Variants in SLF1 observed in about 807,000 individuals in gnomAD.
SLF1 encodes SMC5/6 complex localization factor 1.
A neutral mutation model predicts 123.0 loss-of-function variants in SLF1; 105 were observed. The observed-to-expected ratio is 0.85, with a 90% CI of 0.73 to 1.00. The LOEUF (loss-of-function observed/expected upper bound fraction) is 1.00. SLF1 is among the 50% of genes least tolerant of loss of function. The pLI, the probability that SLF1 is intolerant of heterozygous loss-of-function variation, is 0.00. For missense variants in SLF1, 1,239 were observed against 1,223.0 expected (o/e 1.01, Z -0.20); for synonymous variants, 434 against 406.6 (o/e 1.07, Z -0.81).
intron 4 of SLF1, among the ~76,000 whole-genome samples, chr5:94,634,405 C>T (rs1745528049): frequency 6.6e-6 from 1 of 152,160 alleles, no homozygotes; most frequent in Non-Finnish European, 1.5e-5. Context: ...TTTCTTTGGA[C>T]TTTCACATAT....
chr5:94,649,390 A>G, intron 5 of SLF1, 64 bp from the exon 6 acceptor site: 1 of 1,301,910 alleles, frequency 7.7e-7, no homozygotes, highest in Non-Finnish European at 1.0e-6. Context: ...TGAGTACCAT[A>G]AAACGTACAT....
At position 94,630,672 on chromosome 5, in the gene SLF1, T is replaced by G; in HGVS notation, c.360T>G (p.Ala120=). 6.4e-7 allele frequency: 1 copy of G among 1,551,712 alleles called. No individual in the cohort carries two copies. Among genetic ancestry groups the G allele is most frequent in the Non-Finnish European group, 8.7e-7 (1 of 1,146,992 alleles). ...GTGAAGAACTGAAACGCACTGGTGC[T>G]CCAGGAGCCTTCCACAGATGGAAAG... ...RWREELKRTG[A]PGAFHRWKVV... The change falls in exon 4 of 21, where the codon GCT becomes GCG. Residue 120 remains alanine, a synonymous_variant. Coordinates refer to ENST00000265140, the MANE Select transcript of SLF1 (RefSeq NM_032290.4).
chr5:94,659,630 A>T (rs1056266302), intron 9 of SLF1, among the ~76,000 whole-genome samples: 5 of 152,208 alleles, frequency 3.3e-5, no homozygotes, highest in Non-Finnish European at 7.3e-5. Flanking sequence ...TCAGTGGCTT[A>T]GGCTACATTT....
chr5:94,690,086 T>A (rs1158651443), intron 18 of SLF1, among the ~76,000 whole-genome samples: 2 of 152,174 alleles, frequency 1.3e-5, no homozygotes, highest in Non-Finnish European at 1.5e-5. Context: ...GACTATGAAA[T>A]GTGTTTGGCT....
chr5:94,643,380 A>G lies in SLF1; in HGVS notation c.539A>G (p.Asp180Gly), dbSNP rs1746660592. 2 of 1,542,816 alleles carry G rather than the reference A, an allele frequency of 1.3e-6. No individual in the cohort carries two copies. Among genetic ancestry groups the G allele is most frequent in the Non-Finnish European group, 8.8e-7 (1 of 1,141,570 alleles). Residue 180 changes from aspartate (D) to glycine (G), a missense_variant, in exon 5 of 21, where the codon GAT becomes GGT. Physicochemically the swap from Asp to Gly is moderately conservative, Grantham distance 94 (BLOSUM62 -1). Coordinates refer to ENST00000265140, the MANE Select transcript of SLF1 (RefSeq NM_032290.4). ...NARIKAEKEK[D>G]NFKAPFYPIQ... ...AGAATTAAAGCTGAGAAAGAAAAAG[A>G]TAACTTTAAGGCTCCATTTTATCCA...
At chr5:94,682,828 C>G (rs961731743) in intron 15 of SLF1, among the ~76,000 whole-genome samples, 3 of 152,198 alleles carry the variant, frequency 2.0e-5, no homozygotes, top group Admixed American at 2.0e-4. Flanking sequence ...GTGGCTTAAA[C>G]TACAGATTAA....
chr5:94,691,489 G>A, intron 18 of SLF1, 75 bp from the exon 19 acceptor site: 1 of 1,253,584 alleles, frequency 8.0e-7, no homozygotes, highest in Non-Finnish European at 1.1e-6. Flanking sequence ...AGATCTCCTA[G>A]TTCATGCCCT....
rs749606875 is a variant in SLF1, at chr5:94,653,266, A to G, written c.883-6A>G. Reference sequence around the variant, plus strand: ...TGAGATTTAATTGTGGTCTAAATACATGTAGAAGGAAATTAAGAAAAAAGA... The same window carrying G: ...TGAGATTTAATTGTGGTCTAAATACGTGTAGAAGGAAATTAAGAAAAAAGA... On this transcript the variant is annotated splice_polypyrimidine_tract_variant and splice_region_variant and intron_variant, in intron 7 of 20. Transcript: ENST00000265140. 1.5e-4 allele frequency: 232 copies of G among 1,517,930 alleles called. 5 individuals are homozygous for G. In the South Asian group the frequency reaches 2.7e-3, roughly 18 times the overall value. 94.0% of individuals were successfully genotyped at this position (1,517,930 alleles called of 1,614,324 possible). A position where few individuals can be genotyped will look rare whatever the true frequency, so the allele number is the denominator to read the frequency against.
chr5:94,656,153 G>C (rs561603799), intron 9 of SLF1, among the ~76,000 whole-genome samples: 1 of 152,080 alleles, frequency 6.6e-6, no homozygotes, highest in East Asian at 1.9e-4. Context: ...CATCATGAAG[G>C]GATGTTGAAG....
intron 5 of SLF1, among the ~76,000 whole-genome samples, chr5:94,645,764 G>A (rs1446523446): frequency 6.6e-6 from 1 of 152,140 alleles, no homozygotes; most frequent in Non-Finnish European, 1.5e-5. Context: ...ATAAGTTCTG[G>A]ATCAAACAGC....
At chr5:94,630,996 A>C (rs1384097560) in intron 4 of SLF1, among the ~76,000 whole-genome samples, 1 of 143,782 alleles carries the variant, frequency 7.0e-6, no homozygotes, top group African/African-American at 2.5e-5. Flanking sequence ...TGGCCAACTC[A>C]AGCAAAACAA....
intron 4 of SLF1, among the ~76,000 whole-genome samples, chr5:94,635,709 C>G (rs904229368): frequency 6.6e-6 from 1 of 151,874 alleles, no homozygotes; most frequent in African/African-American, 2.4e-5. Context: ...TTACTCTCCC[C>G]CATTTTATGT....
chr5:94,622,541 C>G (rs1436942531), intron 1 of SLF1, among the ~76,000 whole-genome samples: 2 of 151,884 alleles, frequency 1.3e-5, no homozygotes, highest in African/African-American at 2.4e-5. Flanking sequence ...CAGATAAAAC[C>G]TAAAAGTCAA....
At chr5:94,643,503 T>C (rs1446564194) in intron 5 of SLF1, 68 bp downstream of exon 5, 7 of 1,089,302 alleles carry the variant, frequency 6.4e-6, no homozygotes, top group Middle Eastern at 3.1e-4. Context: ...ACCAACATAG[T>C]AAAATATATA....
chr5:94,639,383 C>G (rs1385895186), intron 4 of SLF1, among the ~76,000 whole-genome samples: 1 of 152,088 alleles, frequency 6.6e-6, no homozygotes, highest in Non-Finnish European at 1.5e-5. Context: ...TCCTTGACTT[C>G]TTTTCCACTA....
rs1460473062 is a variant in SLF1, at chr5:94,670,220, G to A, written c.1602G>A (p.Leu534=). ...ATATTGGCTCCAAGGTGCTCCACCT[G>A]ACGCTACTCAAATTTTTCTTTAATT... ...SENIGSKVLH[L]TLLKFFFNLI... Residue 534 remains leucine (L), a synonymous_variant, in exon 13 of 21, where the codon CTG becomes CTA. Coordinates refer to ENST00000265140, the MANE Select transcript of SLF1 (RefSeq NM_032290.4). 1.4e-5 allele frequency: 22 copies of A among 1,519,662 alleles called. No homozygotes were observed. The highest frequency in any genetic ancestry group is 4.6e-5 in the Admixed American group (2 of 43,384). 94.1% of individuals were successfully genotyped at this position (1,519,662 alleles called of 1,614,324 possible). A position where few individuals can be genotyped will look rare whatever the true frequency, so the allele number is the denominator to read the frequency against.
At chr5:94,650,059 A>G (rs1424968101) in intron 6 of SLF1, among the ~76,000 whole-genome samples, 1 of 152,176 alleles carries the variant, frequency 6.6e-6, no homozygotes, top group Non-Finnish European at 1.5e-5. Flanking sequence ...TTGGAGCAAT[A>G]AAAAGTACCT....
At chr5:94,672,263 A>G (rs1345528782) in intron 14 of SLF1, among the ~76,000 whole-genome samples, 1 of 152,034 alleles carries the variant, frequency 6.6e-6, no homozygotes, top group Non-Finnish European at 1.5e-5. Context: ...TAGGGTGGAG[A>G]GCTCTGGTAT....
At chr5:94,633,102 CT>C (rs1369454992) in intron 4 of SLF1, among the ~76,000 whole-genome samples, 1 of 152,106 alleles carries the variant, frequency 6.6e-6, no homozygotes, top group Non-Finnish European at 1.5e-5. Flanking sequence ...ACAATTCTGC[CT>C]CAGCCTCCCG....
Sources: gnomAD v4.1 joint callset for allele counts (sites outside exome capture counted in the v4.1 genomes callset) on GRCh38, gnomAD v4.1.1 for gene constraint, MANE v1.5 for transcripts, NCBI Gene and HGNC (gene_info 2026-07-23, HGNC 2026-07-21) for gene names.